HGFAC: variants seen among roughly 807,000 people sequenced by gnomAD.
The protein encoded by HGFAC is HGF activator.
In HGFAC, 76 loss-of-function variants were observed where a neutral mutation model predicts 70.6. That is an observed-to-expected ratio of 1.08 (90% CI 0.89 to 1.30). The LOEUF (loss-of-function observed/expected upper bound fraction) is 1.30. HGFAC is among the 50% of genes most tolerant of loss of function. HGFAC has a pLI of 0.00. For synonymous variants in HGFAC, 464 were observed against 405.3 expected (o/e 1.14, Z -1.74); for missense variants, 1,044 against 933.7 (o/e 1.12, Z -1.54).
rs760599742 is a variant in HGFAC, at chr4:3,445,402, T to G, written c.1102+52T>G. ...TTGGGCCCCACCGAGGTCACAGCAGTTTTCCCCGTGATCCTCCTAGCCCCT... is the reference window on the plus strand; with the variant it reads ...TTGGGCCCCACCGAGGTCACAGCAGGTTTCCCCGTGATCCTCCTAGCCCCT... On this transcript the variant is annotated intron_variant, in intron 9 of 13. Transcript: ENST00000382774. The G allele has an allele frequency of 5.4e-6, 7 of 1,304,902 alleles. No individual in the cohort carries two copies. In the South Asian group the frequency reaches 8.9e-5, roughly 17 times the overall value. 80.8% of individuals were successfully genotyped at this position (1,304,902 alleles called of 1,614,324 possible).
In HGFAC at chr4:3,443,404, G is replaced by A. The variant is rs139972142; in HGVS notation, c.459G>A (p.Pro153=). The A allele has an allele frequency of 5.8e-4, 859 of 1,478,902 alleles. 8 individuals are homozygous for A. The East Asian group carries it at 0.02, about 34-fold the overall frequency. The allele number at this position is 1,478,902 out of a possible 1,614,324, so 91.6% of individuals were successfully genotyped here. A position where few individuals can be genotyped will look rare whatever the true frequency, so the allele number is the denominator to read the frequency against. The change falls in exon 4 of 14, where the codon CCG becomes CCA. Residue 153 remains proline (P), a synonymous_variant. Transcript: ENST00000382774. ...RAWGYCVEAT[P]PPGGPAALDP... ...GGGGCTACTGTGTGGAGGCCACCCC[G>A]CCTCCAGGGGGCCCAGGTGGGTGCT...
intron 10 of HGFAC, among the ~76,000 whole-genome samples, chr4:3,446,661 C>T (rs1252010266): frequency 1.3e-5 from 2 of 152,112 alleles, no homozygotes; most frequent in Non-Finnish European, 2.9e-5. Context: ...TGCGTCAGAG[C>T]CCTAGGAGCC....
At chr4:3,448,513 AGG>A (rs1377270144) in intron 13 of HGFAC, among the ~76,000 whole-genome samples, 3 of 152,154 alleles carry the variant, frequency 2.0e-5, no homozygotes, top group Admixed American at 6.5e-5. Flanking sequence ...AGGCTCTGAG[AGG>A]GGCCTGGGGT....
In HGFAC at chr4:3,442,030, C is replaced by T. The variant is rs867208534; in HGVS notation, c.29C>T (p.Pro10Leu). The change falls in exon 1 of 14, where the codon CCC becomes CTC. Residue 10 changes from proline (P) to leucine (L), a missense_variant. Pro to Leu is a moderately conservative substitution (Grantham distance 98). Coordinates refer to ENST00000382774, the MANE Select transcript of HGFAC (RefSeq NM_001528.4). ...GGGCGCTGGGCCTGGGTCCCCAGCC[C>T]CTGGCCCCCACCGGGGCTGGGCCCC... is the stretch of plus-strand genomic sequence containing the variant. MGRWAWVPS[P>L]WPPPGLGPFL... 6.6e-7 allele frequency: 1 copy of T among 1,523,878 alleles called. No homozygotes were observed. The highest frequency in any genetic ancestry group is 8.7e-7 in the Non-Finnish European group (1 of 1,152,628). 94.4% of individuals were successfully genotyped at this position (1,523,878 alleles called of 1,614,324 possible). A position where few individuals can be genotyped will look rare whatever the true frequency, so the allele number is the denominator to read the frequency against.
Position 3,448,275 on chromosome 4 carries a change from A to T in HGFAC, c.1784A>T (p.Gln595Leu). 1 of 1,605,062 alleles carries T rather than the reference A, an allele frequency of 6.2e-7. No homozygotes were observed. Among genetic ancestry groups the T allele is most frequent in the Non-Finnish European group, 8.5e-7 (1 of 1,177,714 alleles). ...TTCGACTGCAAGTCCGACGCCTGCCAGGTGAGCTGGTGCCCGCCCCACCAG... is the reference window on the plus strand; with the variant it reads ...TTCGACTGCAAGTCCGACGCCTGCCTGGTGAGCTGGTGCCCGCCCCACCAG... Reference protein sequence around the residue: ...GYFDCKSDACQGDSGGPLACE... With the variant: ...GYFDCKSDACLGDSGGPLACE... Residue 595 changes from glutamine (Q) to leucine (L), a missense_variant and splice_region_variant, in exon 13 of 14, where the codon CAG (glutamine) becomes CTG (leucine). Gln to Leu is a moderately radical substitution (Grantham distance 113). Transcript: ENST00000382774.
rs771854412 is a variant in HGFAC at position 3,449,381 on chromosome 4, C to A, written c.1930C>A (p.Arg644=). The A allele has an allele frequency of 5.7e-6, 9 of 1,583,778 alleles. No individual in the cohort carries two copies. Among genetic ancestry groups the A allele is most frequent in the Middle Eastern group, 1.7e-4 (1 of 5,982 alleles). ...CAACTATGTGGACTGGATCAACGAC[C>A]GGATACGGCCTCCCAGGCGGCTTGT... The part of the protein sequence containing the change: ...VANYVDWIND[R]IRPPRRLVAP... Residue 644 remains arginine, a synonymous_variant, in exon 14 of 14, where the codon CGG becomes AGG. Coordinates refer to ENST00000382774, the MANE Select transcript of HGFAC (RefSeq NM_001528.4).
chr4:3,445,939 G>A (rs569442861), intron 9 of HGFAC, 103 bp from the exon 10 acceptor site: 106 of 1,558,056 alleles, frequency 6.8e-5, no homozygotes, highest in East Asian at 9.6e-5. Context: ...CAGGGGGTCC[G>A]GCCATGGCCC....
In HGFAC at chr4:3,443,459, C is replaced by CGA. The variant is rs559606977; in HGVS notation, c.475+39_475+40insGA. Reference sequence around the variant, plus strand: ...TGGGTAGCCTGGGGCGGGCAGGGGGCACTGGGCCAGGCCAGAAGGGCCAAG... The same window carrying CGA: ...TGGGTAGCCTGGGGCGGGCAGGGGGCGAACTGGGCCAGGCCAGAAGGGCCAAG... On this transcript the variant is annotated intron_variant, in intron 4 of 13. Coordinates refer to ENST00000382774, the MANE Select transcript of HGFAC (RefSeq NM_001528.4). The CGA allele has an allele frequency of 3.2e-4, 422 of 1,312,308 alleles. 3 individuals are homozygous for CGA. In the African/African-American group the frequency reaches 5.0e-3, roughly 15 times the overall value. 81.3% of individuals were successfully genotyped at this position (1,312,308 alleles called of 1,614,324 possible). A position where few individuals can be genotyped will look rare whatever the true frequency, so the allele number is the denominator to read the frequency against.
upstream of HGFAC, chr4:3,441,867 G>A (rs1272067393): frequency 1.3e-5 from 7 of 534,188 alleles, no homozygotes; most frequent in South Asian, 8.4e-5. This position sits in a 1 kb window ranked among gnomAD's most constrained non-coding sequence, Gnocchi z 6.0. Flanking sequence ...CAGGGGACTC[G>A]GGGACTTCCT....
chr4:3,448,043 G>A lies in HGFAC; in HGVS notation c.1636+8G>A. On this transcript the variant is annotated splice_region_variant and intron_variant, in intron 12 of 13. Coordinates refer to ENST00000382774, the MANE Select transcript of HGFAC (RefSeq NM_001528.4). ...GGGGCCACTTGGATGAGAGTGAGTT[G>A]GGAGGGGGGCGCCCAGCGCCCCGCC... 6.4e-7 allele frequency: 1 copy of A among 1,556,116 alleles called. No homozygotes were observed. Among genetic ancestry groups the A allele is most frequent in the South Asian group, 1.2e-5 (1 of 84,670 alleles).
chr4:3,449,234 C>A lies in HGFAC; in HGVS notation c.1786-3C>A, dbSNP rs961385347. 2 of 1,611,128 alleles carry A rather than the reference C, an allele frequency of 1.2e-6. No homozygotes were observed. Among genetic ancestry groups the A allele is most frequent in the Middle Eastern group, 1.7e-4 (1 of 6,026 alleles). The stretch of plus-strand genomic sequence containing the variant: ...GGTGGCTCTGACCAACGTCTCTGCC[C>A]AGGGGGACTCAGGGGGGCCCCTGGC... On this transcript the variant is annotated splice_region_variant and splice_polypyrimidine_tract_variant and intron_variant, in intron 13 of 13. Transcript: ENST00000382774.
At chr4:3,446,009 C>T (rs1306399878) in intron 9 of HGFAC, 33 bp from the exon 10 acceptor site, 43 of 1,604,550 alleles carry the variant, frequency 2.7e-5, no homozygotes, top group Non-Finnish European at 3.6e-5. Context: ...CCTGTGAACC[C>T]CAGGGGTGTG....
Position 3,446,175 on chromosome 4 carries a change from C to T in HGFAC, c.1236C>T (p.Ser412=). The change falls in exon 10 of 14, where the codon TCC becomes TCT. Residue 412 remains serine, a synonymous_variant. Coordinates refer to ENST00000382774, the MANE Select transcript of HGFAC (RefSeq NM_001528.4). Reference sequence around the variant, plus strand: ...TGCGGCCACGTATCATCGGCGGCTCCTCCTCGCTGCCCGGCTCGCACCCCT... The same window carrying T: ...TGCGGCCACGTATCATCGGCGGCTCTTCCTCGCTGCCCGGCTCGCACCCCT... ...TFLRPRIIGG[S]SSLPGSHPWL... The T allele has an allele frequency of 2.5e-6, 4 of 1,611,346 alleles. No individual in the cohort carries two copies. The highest frequency in any genetic ancestry group is 3.4e-6 in the Non-Finnish European group (4 of 1,179,558).
In HGFAC at chr4:3,449,237, G is replaced by A; in HGVS notation, c.1786G>A (p.Gly596Arg). The change falls in exon 14 of 14, where the codon GGG (glycine) becomes AGG (arginine). Residue 596 changes from glycine (G) to arginine (R), a missense_variant and splice_region_variant. By Grantham distance (125) the Gly-to-Arg change is moderately radical. Coordinates refer to ENST00000382774, the MANE Select transcript of HGFAC (RefSeq NM_001528.4). ...GGCTCTGACCAACGTCTCTGCCCAG[G>A]GGGACTCAGGGGGGCCCCTGGCCTG... Reference protein sequence around the residue: ...YFDCKSDACQGDSGGPLACEK... With the variant: ...YFDCKSDACQRDSGGPLACEK... 1 of 1,611,372 alleles carries A rather than the reference G, an allele frequency of 6.2e-7. No homozygotes were observed. The highest frequency in any genetic ancestry group is 8.5e-7 in the Non-Finnish European group (1 of 1,179,150).
At chr4:3,448,809 A>G (rs1725623577) in intron 13 of HGFAC, among the ~76,000 whole-genome samples, 1 of 151,560 alleles carries the variant, frequency 6.6e-6, no homozygotes, top group Non-Finnish European at 1.5e-5. Context: ...TTCCAAGGCC[A>G]CAAAGCCCAG....
At position 3,447,643 on chromosome 4, in the gene HGFAC, CGTGT is replaced by C; in HGVS notation, c.1495+13_1495+16del. The stretch of plus-strand genomic sequence containing the variant: ...CGACCACGACCTCGGTGAGCTCCGG[CGTGT>C]CGTGGCTGCACTCTGGGCAGGTGGG... On this transcript the variant is annotated intron_variant, in intron 11 of 13. Coordinates refer to ENST00000382774, the MANE Select transcript of HGFAC (RefSeq NM_001528.4). 1.2e-6 allele frequency: 2 copies of C among 1,612,162 alleles called. No individual in the cohort carries two copies. The highest frequency in any genetic ancestry group is 8.5e-7 in the Non-Finnish European group (1 of 1,179,526).
Position 3,444,957 on chromosome 4 carries a change from C to A in HGFAC, c.980C>A (p.Ala327Glu). 1.2e-6 allele frequency: 2 copies of A among 1,605,782 alleles called. No homozygotes were observed. The highest frequency in any genetic ancestry group is 2.2e-5 in the South Asian group (2 of 90,148). Residue 327 changes from alanine to glutamate, a missense_variant, in exon 8 of 14, where the codon GCG (alanine) becomes GAG (glutamate). Ala to Glu is a moderately radical substitution (Grantham distance 107). Coordinates refer to ENST00000382774, the MANE Select transcript of HGFAC (RefSeq NM_001528.4). ...QELHVDSVGA[A>E]ALLGLGPHAY... ...CTGCACGTGGACTCCGTGGGCGCCG[C>A]GGCCCTGCTGGGCCTGGGCCCCCAT...
Position 3,444,976 on chromosome 4 carries a change from C to A in HGFAC, c.999C>A (p.Gly333=), listed in dbSNP as rs763370594. 1.4e-5 allele frequency: 23 copies of A among 1,596,096 alleles called. No individual in the cohort carries two copies. The Admixed American group carries it at 3.3e-4, about 23-fold the overall frequency. The change falls in exon 8 of 14, where the codon GGC becomes GGA. Residue 333 remains glycine, a synonymous_variant. Transcript: ENST00000382774. The stretch of plus-strand genomic sequence containing the variant: ...GCGCCGCGGCCCTGCTGGGCCTGGG[C>A]CCCCATGCCTACTGCCGGTCAGCAC... ...SVGAAALLGL[G]PHAYCRNPDN...
chr4:3,443,369 G>A lies in HGFAC; in HGVS notation c.424G>A (p.Asp142Asn). 1 of 1,538,438 alleles carries A rather than the reference G, an allele frequency of 6.5e-7. No homozygotes were observed. Residue 142 changes from aspartate to asparagine, a missense_variant, in exon 4 of 14, where the codon GAC becomes AAC. Physicochemically the swap from Asp to Asn is conservative, Grantham distance 23. Transcript: ENST00000382774. ...TGCCACAACTCACAACTACGACCGG[G>A]ACAGGGCCTGGGGCTACTGTGTGGA... Reference protein sequence around the residue: ...WCATTHNYDRDRAWGYCVEAT... With the variant: ...WCATTHNYDRNRAWGYCVEAT...
Sources: gnomAD v4.1 joint callset for allele counts (sites outside exome capture counted in the v4.1 genomes callset) on GRCh38, gnomAD v4.1.1 for gene constraint, Gnocchi (gnomAD v3.1) non-coding constraint, MANE v1.5 for transcripts, NCBI Gene and HGNC (gene_info 2026-07-23, HGNC 2026-07-21) for gene names.